PLEKHA2: variants seen among roughly 807,000 people sequenced by gnomAD.
The protein encoded by PLEKHA2 is pleckstrin homology domain containing A2, also known as pleckstrin homology domain-containing family A member 2.
Under a neutral mutation model 53.2 loss-of-function variants are expected in PLEKHA2, and 28 were observed. That is an observed-to-expected ratio of 0.53 (90% CI 0.39 to 0.72). PLEKHA2 has a LOEUF of 0.72. Ranked by LOEUF, PLEKHA2 falls within the 30% of genes least tolerant of loss-of-function variation. The pLI, the probability that PLEKHA2 is intolerant of heterozygous loss-of-function variation, is 0.00. For synonymous variants in PLEKHA2, 193 were observed against 196.4 expected, an observed-to-expected ratio of 0.98 and a Z score of 0.14; for missense variants, 426 against 537.9, an observed-to-expected ratio of 0.79 and a Z score of 2.06.
chr8:38,925,149 T>A (rs944840344), intron 2 of PLEKHA2, among the ~76,000 whole-genome samples: 1 of 152,362 alleles, frequency 6.6e-6, no homozygotes, highest in Admixed American at 6.5e-5. Flanking sequence ...CTTCTTCATC[T>A]TGCATGCAAT....
chr8:38,918,513 A>AT (rs1834110095), intron 2 of PLEKHA2, among the ~76,000 whole-genome samples: 1 of 97,136 alleles, frequency 1.0e-5, no homozygotes, highest in African/African-American at 3.8e-5. Flanking sequence ...CCAGACACAC[A>AT]CCATACACAC....
Position 38,939,312 on chromosome 8 carries a change from C to T in PLEKHA2, c.198+3262C>T, listed in dbSNP as rs1393356360. Among the ~76,000 whole-genome samples, 5 of 152,214 alleles carry T rather than the reference C, an allele frequency of 3.3e-5. No individual in the cohort carries two copies. In the East Asian group the frequency reaches 9.6e-4, roughly 29 times the overall value. The stretch of plus-strand genomic sequence containing the variant: ...GAATAGTGTTTTTACTCTGGCTTCA[C>T]CTATTGTAAAGCTGATCAAAGACAT... On this transcript the variant is annotated intron_variant, in intron 3 of 11. Coordinates refer to ENST00000617275, the MANE Select transcript of PLEKHA2 (RefSeq NM_021623.2).
intron 3 of PLEKHA2, among the ~76,000 whole-genome samples, chr8:38,942,837 A>C (rs1274687985): frequency 4.6e-5 from 7 of 152,264 alleles, no homozygotes; most frequent in African/African-American, 1.7e-4. Flanking sequence ...ATACAGCAAC[A>C]GGAGGTATAG....
Position 38,952,138 on chromosome 8 carries a change from C to T in PLEKHA2, c.487-28C>T, listed in dbSNP as rs149950814. On this transcript the variant is annotated intron_variant, in intron 6 of 11. Transcript: ENST00000617275. Reference sequence around the variant, plus strand: ...CTGTGGCTGCATAGAGGGAGGGAGGCGCTGATACTGACACTGTTTCCTTGC... The same window carrying T: ...CTGTGGCTGCATAGAGGGAGGGAGGTGCTGATACTGACACTGTTTCCTTGC... The T allele has an allele frequency of 6.4e-5, 103 of 1,602,116 alleles. 1 individual carries two copies. The East Asian group carries it at 1.7e-3, about 27-fold the overall frequency.
At chr8:38,918,851 G>A (rs2152368469) in intron 2 of PLEKHA2, among the ~76,000 whole-genome samples, 1 of 152,266 alleles carries the variant, frequency 6.6e-6, no homozygotes, top group South Asian at 2.1e-4. Context: ...TCTTAGCTTG[G>A]AGAGAATGAT....
At chr8:38,914,818 G>C (rs1393150909) in intron 1 of PLEKHA2, among the ~76,000 whole-genome samples, 1 of 152,238 alleles carries the variant, frequency 6.6e-6, no homozygotes, top group Non-Finnish European at 1.5e-5. Flanking sequence ...ATTGCAACAA[G>C]AGCAGAGGTT....
intron 5 of PLEKHA2, among the ~76,000 whole-genome samples, chr8:38,948,639 T>G (rs368926762): frequency 6.6e-5 from 10 of 152,246 alleles, no homozygotes; most frequent in African/African-American, 2.4e-4. Flanking sequence ...GTGCTCTTAT[T>G]GTTTTGAACA....
At chr8:38,947,522 C>G (rs1421223691) in intron 5 of PLEKHA2, among the ~76,000 whole-genome samples, 2 of 152,136 alleles carry the variant, frequency 1.3e-5, no homozygotes. Context: ...ACTTAGGAGG[C>G]TGAGGCAGGA....
At chr8:38,951,062 C>T (rs775529900) in intron 6 of PLEKHA2, 72 bp downstream of exon 6, 32 of 966,028 alleles carry the variant, frequency 3.3e-5, no homozygotes, top group African/African-American at 3.3e-4. Context: ...ATGATGTGCT[C>T]GGAGCACTGT....
At chr8:38,963,884 A>G (rs1031408848) in intron 10 of PLEKHA2, among the ~76,000 whole-genome samples, 3 of 152,206 alleles carry the variant, frequency 2.0e-5, no homozygotes, top group Non-Finnish European at 4.4e-5. Context: ...GGAATTAGAG[A>G]ATTAGGGAAG....
At chr8:38,915,806 T>C (rs1834049558) in intron 1 of PLEKHA2, among the ~76,000 whole-genome samples, 1 of 152,206 alleles carries the variant, frequency 6.6e-6, no homozygotes, top group African/African-American at 2.4e-5. Flanking sequence ...TGTGACTTAA[T>C]TCCTGGCAGA....
intron 2 of PLEKHA2, among the ~76,000 whole-genome samples, chr8:38,928,231 C>A (rs578024442): frequency 1.5e-5 from 2 of 136,252 alleles, no homozygotes; most frequent in African/African-American, 5.5e-5. Flanking sequence ...GGCCTCTGAC[C>A]TGGTCTTTTT....
chr8:38,971,479 TC>T lies in PLEKHA2; in HGVS notation c.*1700del, dbSNP rs1182057832. ...TAGCTCTGGTTTTACTCTCGTATTT[TC>T]CCCAAGAAAATTTTTTGGCTATTCA... is the stretch of plus-strand genomic sequence containing the variant. On this transcript the variant is annotated 3_prime_UTR_variant, in exon 12 of 12. Transcript: ENST00000617275. 6.6e-5 allele frequency: 10 copies of T among 152,340 alleles called. No individual in the cohort carries two copies. The East Asian group carries it at 1.7e-3, about 26-fold the overall frequency. 9.4% of individuals were successfully genotyped at this position (152,340 alleles called of 1,614,324 possible).
At position 38,970,624 on chromosome 8, in the gene PLEKHA2, C is replaced by T. The variant is rs778589499; in HGVS notation, c.*841C>T. On this transcript the variant is annotated 3_prime_UTR_variant, in exon 12 of 12. Coordinates refer to ENST00000617275, the MANE Select transcript of PLEKHA2 (RefSeq NM_021623.2). ...TCAGCCTGGCCAACATGGTGAAACC[C>T]CGCCTCTACTAAAAAATATGCAAAA... 3.8e-4 allele frequency: 61 copies of T among 162,230 alleles called. No individual in the cohort carries two copies. The highest frequency in any genetic ancestry group is 1.6e-3 in the Admixed American group (24 of 15,478). 10.0% of individuals were successfully genotyped at this position (162,230 alleles called of 1,614,324 possible). A position where few individuals can be genotyped will look rare whatever the true frequency, so the allele number is the denominator to read the frequency against.
At position 38,917,989 on chromosome 8, in the gene PLEKHA2, G is replaced by T. The variant is rs748607439; in HGVS notation, c.60G>T (p.Glu20Asp). ...GGTTTCTGGACATCGAGGAGCATGA[G>T]AACAGCGGCAAGTTTCTGCGGAGGT... is the stretch of plus-strand genomic sequence containing the variant. ...ICGFLDIEEH[E>D]NSGKFLRRYF... Residue 20 changes from glutamate to aspartate, a missense_variant, in exon 2 of 12, where the codon GAG becomes GAT. By Grantham distance (45) the Glu-to-Asp change is conservative. Coordinates refer to ENST00000617275, the MANE Select transcript of PLEKHA2 (RefSeq NM_021623.2). The T allele has an allele frequency of 6.2e-7, 1 of 1,613,544 alleles. No homozygotes were observed. Among genetic ancestry groups the T allele is most frequent in the Non-Finnish European group, 8.5e-7 (1 of 1,179,708 alleles).
chr8:38,949,161 G>A (rs1391005675), intron 5 of PLEKHA2, among the ~76,000 whole-genome samples: 3 of 152,072 alleles, frequency 2.0e-5, no homozygotes, highest in South Asian at 2.1e-4. Context: ...ATGAGCCACT[G>A]TGCCTGGCCG....
intron 10 of PLEKHA2, among the ~76,000 whole-genome samples, chr8:38,958,863 G>A (rs887374819): frequency 1.3e-5 from 2 of 152,182 alleles, no homozygotes; most frequent in Non-Finnish European, 2.9e-5. Flanking sequence ...GAGAGAGCTC[G>A]TCAAGTCCAT....
chr8:38,949,023 A>G (rs1834772555), intron 5 of PLEKHA2, among the ~76,000 whole-genome samples: 1 of 152,102 alleles, frequency 6.6e-6, no homozygotes, highest in Non-Finnish European at 1.5e-5. Flanking sequence ...GGTGCCCGCC[A>G]CTACGCCCAG....
chr8:38,971,102 T>C lies in PLEKHA2; in HGVS notation c.*1319T>C, dbSNP rs2129425890. On this transcript the variant is annotated 3_prime_UTR_variant, in exon 12 of 12. Transcript: ENST00000617275. ...CTTGTGTCCAAATCTAATGCAGAGG[T>C]GAAAACACTTGATGAGAAAATCCTT... is the stretch of plus-strand genomic sequence containing the variant. 6.6e-6 allele frequency: 1 copy of C among 152,356 alleles called. No homozygotes were observed. The highest frequency in any genetic ancestry group is 2.1e-4 in the South Asian group (1 of 4,834). 9.4% of individuals were successfully genotyped at this position (152,356 alleles called of 1,614,324 possible). A position where few individuals can be genotyped will look rare whatever the true frequency, so the allele number is the denominator to read the frequency against.
Sources: allele counts gnomAD v4.1 joint callset (sites outside exome capture counted in the v4.1 genomes callset), GRCh38; gene constraint gnomAD v4.1.1; transcripts MANE v1.5; gene names NCBI Gene and HGNC (gene_info 2026-07-23, HGNC 2026-07-21).